The following SMARCA2 variants were observed in gnomAD, a reference collection of about 807,000 sequenced individuals.
SMARCA2 encodes SWI/SNF related BAF chromatin remodeling complex subunit ATPase 2.
SMARCA2 carries 61 observed loss-of-function variants against 199.8 expected under a neutral mutation model. The ratio of observed to expected loss-of-function variants is 0.31; its 90% CI spans 0.25 to 0.38. The LOEUF is 0.38. SMARCA2 is among the 10% of genes least tolerant of loss of function. The pLI, the probability that SMARCA2 is intolerant of heterozygous loss-of-function variation, is 1.00. For missense variants in SMARCA2, 1,344 were observed against 2,012.2 expected (o/e 0.67, Z 6.35); for synonymous variants, 935 against 732.0 (o/e 1.28, Z -4.48).
At chr9:2,018,254 C>T (rs1429680769) in intron 1 of SMARCA2, among the ~76,000 whole-genome samples, 1 of 152,136 alleles carries the variant, frequency 6.6e-6, no homozygotes, top group African/African-American at 2.4e-5. Flanking sequence ...ATGTCTGCAC[C>T]GGGTGTTATG....
chr9:2,184,575 G>A (rs1217973563), intron 31 of SMARCA2, among the ~76,000 whole-genome samples: 2 of 151,270 alleles, frequency 1.3e-5, no homozygotes, highest in Non-Finnish European at 2.9e-5. Context: ...GGCTGGTCTC[G>A]AACTCCTGAC....
intron 6 of SMARCA2, chr9:2,055,667 T>C (rs550119202): frequency 1.3e-5 from 2 of 152,340 alleles, no homozygotes; most frequent in South Asian, 4.1e-4. Flanking sequence ...ATCTCACAGA[T>C]GGACATTAGT....
chr9:2,115,857 G>A lies in SMARCA2; in HGVS notation c.3492G>A (p.Gly1164=), dbSNP rs1366543197. Residue 1164 remains glycine (G), a synonymous_variant, in exon 25 of 34, where the codon GGG becomes GGA. Transcript: ENST00000349721. The surrounding 1 kb of genome is among the most constrained non-coding windows in gnomAD (Gnocchi z 6.0). ...CCCAAGACCGAGCTCACCGCATCGG[G>A]CAGCAGAACGAGGTCCGGGTACTGA... ...LQAQDRAHRI[G]QQNEVRVLRL... The A allele has an allele frequency of 4.3e-6, 7 of 1,613,860 alleles. No individual in the cohort carries two copies. The highest frequency in any genetic ancestry group is 1.6e-4 in the Middle Eastern group (1 of 6,080).
At chr9:2,097,532 A>G (rs1168194369) in intron 21 of SMARCA2, 61 bp downstream of exon 21, 1 of 1,029,528 alleles carries the variant, frequency 9.7e-7, no homozygotes, top group Non-Finnish European at 1.5e-6. Context: ...CTAGTTAAAA[A>G]AAAACAAACA....
At chr9:2,114,022 A>G (rs983000065) in intron 24 of SMARCA2, among the ~76,000 whole-genome samples, 2 of 151,968 alleles carry the variant, frequency 1.3e-5, no homozygotes, top group African/African-American at 2.4e-5. Flanking sequence ...AACGTTTACT[A>G]TTGCGCCCAT....
rs570004093 is a variant in SMARCA2, at chr9:2,017,964, GA to G, written c.-37+2561del. On this transcript the variant is annotated intron_variant, in intron 1 of 33. Coordinates refer to ENST00000349721, the MANE Select transcript of SMARCA2 (RefSeq NM_003070.5). The surrounding 1 kb of genome is among the most constrained non-coding windows in gnomAD (Gnocchi z 8.8). ...GATTGCGTGGAAAACTTTCCAGCGG[GA>G]GGCACCATGAGGGGGAAGAAGGCCT... is the stretch of plus-strand genomic sequence containing the variant. The G allele has an allele frequency of 1.2e-3, 189 of 152,384 alleles. No homozygotes were observed. Among genetic ancestry groups the G allele is most frequent in the African/African-American group, 4.4e-3 (182 of 41,578 alleles). 9.4% of individuals were successfully genotyped at this position (152,384 alleles called of 1,614,324 possible).
chr9:2,127,315 A>G (rs7869436), intron 27 of SMARCA2, among the ~76,000 whole-genome samples: 48,091 of 152,104 alleles, frequency 0.32, 12,391 homozygotes, highest in African/African-American at 0.7. Context: ...TTGCCAAATT[A>G]AAGTAGCACT....
Position 2,123,916 on chromosome 9 carries a change from C to A in SMARCA2, c.3960C>A (p.Leu1320=), listed in dbSNP as rs1054885085. 1.3e-6 allele frequency: 2 copies of A among 1,574,842 alleles called. No homozygotes were observed. The highest frequency in any genetic ancestry group is 1.7e-6 in the Non-Finnish European group (2 of 1,159,938). The change falls in exon 27 of 34, where the codon CTC becomes CTA. Residue 1320 remains leucine, a synonymous_variant. Transcript: ENST00000349721. This position sits in a 1 kb window ranked among gnomAD's most constrained non-coding sequence, Gnocchi z 4.1. ...GTGACGTGGACTACAGTGACGCCCT[C>A]ACGGAGAAGCAGTGGCTAAGGGTAA... The part of the protein sequence containing the change: ...QRRDVDYSDA[L]TEKQWLRAIE...
chr9:2,055,972 C>T (rs946039143), intron 6 of SMARCA2, among the ~76,000 whole-genome samples: 17 of 152,150 alleles, frequency 1.1e-4, no homozygotes, highest in African/African-American at 2.9e-4. Flanking sequence ...ATTAAATTAA[C>T]TGTAACTAAT....
At chr9:2,131,317 G>A (rs971260852) in intron 27 of SMARCA2, among the ~76,000 whole-genome samples, 1 of 152,144 alleles carries the variant, frequency 6.6e-6, no homozygotes, top group African/African-American at 2.4e-5. Flanking sequence ...GGGTCCTTAT[G>A]TCTGAATGTG....
chr9:2,072,743 A>G (rs1029239306), intron 10 of SMARCA2, among the ~76,000 whole-genome samples: 1 of 152,214 alleles, frequency 6.6e-6, no homozygotes, highest in African/African-American at 2.4e-5. Context: ...ATACTGGGCA[A>G]CTCATCAGAT....
In SMARCA2 at chr9:2,170,323, G is replaced by C; in HGVS notation, c.4200-96G>C. ...AACAAGGCAGGTTGGTGAGGAGACTGAGGCTTGGCCAGGTCACCCAGCCTA... is the reference window on the plus strand; with the variant it reads ...AACAAGGCAGGTTGGTGAGGAGACTCAGGCTTGGCCAGGTCACCCAGCCTA... On this transcript the variant is annotated intron_variant, in intron 28 of 33. Coordinates refer to ENST00000349721, the MANE Select transcript of SMARCA2 (RefSeq NM_003070.5). The surrounding 1 kb of genome is among the most constrained non-coding windows in gnomAD (Gnocchi z 4.7). 1 of 1,521,554 alleles carries C rather than the reference G, an allele frequency of 6.6e-7. No homozygotes were observed. Among genetic ancestry groups the C allele is most frequent in the Non-Finnish European group, 9.0e-7 (1 of 1,112,998 alleles). 94.3% of individuals were successfully genotyped at this position (1,521,554 alleles called of 1,614,324 possible). A position where few individuals can be genotyped will look rare whatever the true frequency, so the allele number is the denominator to read the frequency against.
chr9:2,066,291 AAT>A (rs1469973363), intron 9 of SMARCA2, among the ~76,000 whole-genome samples: 1 of 152,260 alleles, frequency 6.6e-6, no homozygotes, highest in African/African-American at 2.4e-5. Flanking sequence ...ATGTTAAAGT[AAT>A]CTAAATAAAA....
At chr9:2,147,112 T>C (rs1402546863) in intron 27 of SMARCA2, among the ~76,000 whole-genome samples, 2 of 152,032 alleles carry the variant, frequency 1.3e-5, no homozygotes, top group Non-Finnish European at 1.5e-5. Flanking sequence ...TTTAAGAAAC[T>C]GAGTAGTGCA....
chr9:2,039,345 A>C lies in SMARCA2; in HGVS notation c.356-121A>C. 1.2e-6 allele frequency: 1 copy of C among 830,690 alleles called. No homozygotes were observed. Among genetic ancestry groups the C allele is most frequent in the South Asian group, 1.8e-5 (1 of 55,542 alleles). The allele number at this position is 830,690 out of a possible 1,614,324, so 51.5% of individuals were successfully genotyped here. A position where few individuals can be genotyped will look rare whatever the true frequency, so the allele number is the denominator to read the frequency against. ...TTAAACTCCATATAATTAATAAATGATATGTCATTCAAATTTCTGTCAGAC... is the reference window on the plus strand; with the variant it reads ...TTAAACTCCATATAATTAATAAATGCTATGTCATTCAAATTTCTGTCAGAC... On this transcript the variant is annotated intron_variant, in intron 3 of 33. Coordinates refer to ENST00000349721, the MANE Select transcript of SMARCA2 (RefSeq NM_003070.5). The surrounding 1 kb of genome is among the most constrained non-coding windows in gnomAD (Gnocchi z 4.8).
At chr9:2,047,645 G>A (rs762362840) in intron 5 of SMARCA2, 161 bp downstream of exon 5, 1 of 853,678 alleles carries the variant, frequency 1.2e-6, no homozygotes, top group Non-Finnish European at 1.5e-6. Flanking sequence ...CGGTGCTGAG[G>A]GGAGGCACCG....
intron 27 of SMARCA2, among the ~76,000 whole-genome samples, chr9:2,150,182 G>A (rs1293314205): frequency 1.3e-5 from 2 of 151,536 alleles, no homozygotes; most frequent in East Asian, 3.8e-4. Flanking sequence ...ATCTCCTGTT[G>A]GCCTCTGCTT....
chr9:2,149,258 C>T (rs926330072), intron 27 of SMARCA2, among the ~76,000 whole-genome samples: 3 of 151,272 alleles, frequency 2.0e-5, no homozygotes, highest in African/African-American at 7.3e-5. Context: ...TGGCTCACAC[C>T]TGTAATCCAA....
chr9:2,108,368 A>T (rs959894530), intron 23 of SMARCA2, among the ~76,000 whole-genome samples: 34 of 152,260 alleles, frequency 2.2e-4, no homozygotes, highest in Non-Finnish European at 4.4e-5. Context: ...ATGGAAAAAG[A>T]GAAAACAAAA....
Sources: allele counts gnomAD v4.1 joint callset (sites outside exome capture counted in the v4.1 genomes callset), GRCh38; gene constraint gnomAD v4.1.1; non-coding constraint Gnocchi (gnomAD v3.1); transcripts MANE v1.5; gene names NCBI Gene and HGNC (gene_info 2026-07-23, HGNC 2026-07-21).